Variants in BRSK1 observed in about 807,000 individuals in gnomAD.
BRSK1 encodes the protein serine/threonine-protein kinase BRSK1.
In BRSK1, 17 loss-of-function variants were observed where a neutral mutation model predicts 86.2. The ratio of observed to expected loss-of-function variants is 0.20; its 90% confidence interval spans 0.14 to 0.30. The LOEUF (loss-of-function observed/expected upper bound fraction) is 0.30, where lower values mean the gene tolerates loss of function less well. Ranked by LOEUF, BRSK1 falls within the 10% of genes least tolerant of loss-of-function variation. The pLI is 1.00. For missense variants in BRSK1, 719 were observed against 1,071.9 expected (o/e 0.67, Z 4.60); for synonymous variants, 464 against 440.1 (o/e 1.05, Z -0.68).
chr19:55,308,970 C>T (rs1002549151), intron 18 of BRSK1, among the ~76,000 whole-genome samples: 6 of 152,092 alleles, frequency 3.9e-5, no homozygotes, highest in African/African-American at 1.2e-4. Context: ...GCAGGTTCCC[C>T]GAGAGGCTGG....
Position 55,287,155 on chromosome 19 carries a change from G to A in BRSK1, c.231+54G>A, listed in dbSNP as rs2088330451. ...GGGTGGGGGGGCCTCCGGGGCTGAG[G>A]GCAGGGGCGGGGCCGTGCTGACCTC... On this transcript the variant is annotated intron_variant, in intron 2 of 18. Transcript: ENST00000309383. This position sits in a 1 kb window ranked among gnomAD's most constrained non-coding sequence, Gnocchi z 5.3. 6 of 1,612,102 alleles carry A rather than the reference G, an allele frequency of 3.7e-6. No homozygotes were observed. The Admixed American group carries it at 8.3e-5, about 22-fold the overall frequency.
rs761823157 is a variant in BRSK1 at position 55,306,438 on chromosome 19, A to G, written c.2077A>G (p.Thr693Ala). ...TGGTGGCATCTACTCCGTCACCTTC[A>G]CTCTCATCTCGGGTGAGTCTCTTGG... ...GGGGIYSVTF[T>A]LISGPSRRFK... Residue 693 changes from threonine to alanine, a missense_variant, in exon 17 of 19, where the codon ACT becomes GCT. Around this residue, in one of 6 missense-constraint regions of BRSK1, gnomAD observed 180 missense variants for 259.4 expected, o/e 0.69. Transcript: ENST00000309383. The surrounding 1 kb of genome is among the most constrained non-coding windows in gnomAD (Gnocchi z 4.7). 1.2e-5 allele frequency: 20 copies of G among 1,611,752 alleles called. No homozygotes were observed. Among genetic ancestry groups the G allele is most frequent in the Non-Finnish European group, 1.7e-5 (20 of 1,179,656 alleles).
intron 4 of BRSK1, among the ~76,000 whole-genome samples, chr19:55,291,736 G>T (rs1318341282): frequency 3.3e-5 from 5 of 152,056 alleles, no homozygotes; most frequent in Non-Finnish European, 7.4e-5. Context: ...TGATAAAAAG[G>T]CCACCTACTT....
At chr19:55,298,191 C>CTT (rs377504520) in intron 7 of BRSK1, among the ~76,000 whole-genome samples, 2 of 70,362 alleles carry the variant, frequency 2.8e-5, no homozygotes, top group African/African-American at 1.0e-4. Flanking sequence ...GTAGTTTATT[C>CTT]TTTTTTTTTT....
intron 4 of BRSK1, among the ~76,000 whole-genome samples, chr19:55,291,493 A>G (rs1019392567): frequency 1.3e-5 from 2 of 152,210 alleles, no homozygotes; most frequent in African/African-American, 4.8e-5. Flanking sequence ...GCAGTGAGGC[A>G]ACAGAGTGAG....
In BRSK1 at chr19:55,310,278, C is replaced by G. The variant is rs2088754986; in HGVS notation, c.2179+1550C>G. On this transcript the variant is annotated intron_variant, in intron 18 of 18. Coordinates refer to ENST00000309383, the MANE Select transcript of BRSK1 (RefSeq NM_032430.2). The surrounding 1 kb of genome is among the most constrained non-coding windows in gnomAD (Gnocchi z 5.0). Reference sequence around the variant, plus strand: ...GGAGGCTCTCTGGCAGAGACTGTTTCCTTGTGTGTTCCAGTTCCTAGGCGC... The same window carrying G: ...GGAGGCTCTCTGGCAGAGACTGTTTGCTTGTGTGTTCCAGTTCCTAGGCGC... Among the ~76,000 whole-genome samples the G allele has an allele frequency of 6.6e-6, 1 of 152,146 alleles. No homozygotes were observed. Among genetic ancestry groups the G allele is most frequent in the Admixed American group, 6.6e-5 (1 of 15,266 alleles).
rs756541679 is a variant in BRSK1 at position 55,304,862 on chromosome 19, C to T, written c.1659C>T (p.Leu553=). 1.2e-6 allele frequency: 2 copies of T among 1,609,652 alleles called. No individual in the cohort carries two copies. Among genetic ancestry groups the T allele is most frequent in the Admixed American group, 1.7e-5 (1 of 59,958 alleles). Residue 553 remains leucine, a synonymous_variant, in exon 14 of 19, where the codon CTC becomes CTT. Coordinates refer to ENST00000309383, the MANE Select transcript of BRSK1 (RefSeq NM_032430.2). The surrounding 1 kb of genome is among the most constrained non-coding windows in gnomAD (Gnocchi z 5.2). Reference sequence around the variant, plus strand: ...GGGGAGCCGCCTGGAGGAGTCGTCTCAACTCCATCCGCAACAGCTTCCTGG... The same window carrying T: ...GGGGAGCCGCCTGGAGGAGTCGTCTTAACTCCATCCGCAACAGCTTCCTGG... ...GVGGAAWRSR[L]NSIRNSFLGS...
intron 8 of BRSK1, 61 bp downstream of exon 8, chr19:55,301,719 AG>A: frequency 1.3e-6 from 2 of 1,560,696 alleles, no homozygotes; most frequent in South Asian, 1.2e-5. Context: ...AGAACCCCCT[AG>A]AAAAGTCATG....
chr19:55,290,476 T>C (rs537202579), intron 4 of BRSK1, among the ~76,000 whole-genome samples: 2 of 152,296 alleles, frequency 1.3e-5, no homozygotes, highest in Non-Finnish European at 2.9e-5. Flanking sequence ...AAAAAAAGAA[T>C]TGTTTATTCT....
intron 3 of BRSK1, among the ~76,000 whole-genome samples, chr19:55,288,641 A>G (rs1250212722): frequency 1.3e-5 from 2 of 151,902 alleles, no homozygotes; most frequent in Non-Finnish European, 2.9e-5. Context: ...GCTGGAGTGC[A>G]ATGGCTCGAT....
chr19:55,296,485 C>T (rs1481601688), intron 7 of BRSK1, among the ~76,000 whole-genome samples: 1 of 151,962 alleles, frequency 6.6e-6, no homozygotes, highest in Non-Finnish European at 1.5e-5. Flanking sequence ...ATTGCTTGAG[C>T]CCAGGAGTTC....
chr19:55,299,396 T>C (rs1344597953), intron 7 of BRSK1, among the ~76,000 whole-genome samples: 1 of 143,570 alleles, frequency 7.0e-6, no homozygotes, highest in African/African-American at 2.9e-5. Context: ...TTGTTTTTTG[T>C]TTTTTTTGAG....
Position 55,284,306 on chromosome 19 carries a change from C to A in BRSK1, c.-137C>A. Reference sequence around the variant, plus strand: ...GCCGACTGGGGGGGGCCAGCCCAGCCCCCTGGGGACCCCCGGAGAGGTGGG... The same window carrying A: ...GCCGACTGGGGGGGGCCAGCCCAGCACCCTGGGGACCCCCGGAGAGGTGGG... On this transcript the variant is annotated 5_prime_UTR_variant, in exon 1 of 19. Transcript: ENST00000309383. 1.4e-6 allele frequency: 1 copy of A among 722,382 alleles called. No individual in the cohort carries two copies. Among genetic ancestry groups the A allele is most frequent in the Non-Finnish European group, 1.9e-6 (1 of 524,056 alleles). The allele number at this position is 722,382 out of a possible 1,614,324, so 44.7% of individuals were successfully genotyped here. A position where few individuals can be genotyped will look rare whatever the true frequency, so the allele number is the denominator to read the frequency against.
chr19:55,309,607 CCT>C (rs1198714915), intron 18 of BRSK1, among the ~76,000 whole-genome samples: 1 of 152,134 alleles, frequency 6.6e-6, no homozygotes, highest in African/African-American at 2.4e-5. Context: ...CTCTCTGGGG[CCT>C]CTTTCCTAAG....
rs936594177 is a variant in BRSK1, at chr19:55,306,110, G to T, written c.1891-142G>T. On this transcript the variant is annotated intron_variant, in intron 16 of 18. Coordinates refer to ENST00000309383, the MANE Select transcript of BRSK1 (RefSeq NM_032430.2). The surrounding 1 kb of genome is among the most constrained non-coding windows in gnomAD (Gnocchi z 4.7). ...TAGAGAAAGCTACAAGTCCTTGCAG[G>T]CAGTGGGGCCTCCCAATGCATTTCC... The T allele has an allele frequency of 2.6e-6, 2 of 758,658 alleles. No homozygotes were observed. Among genetic ancestry groups the T allele is most frequent in the Non-Finnish European group, 4.3e-6 (2 of 470,002 alleles). The allele number at this position is 758,658 out of a possible 1,614,324, so 47.0% of individuals were successfully genotyped here.
In BRSK1 at chr19:55,305,380, C is replaced by A; in HGVS notation, c.1766+11C>A. On this transcript the variant is annotated intron_variant, in intron 15 of 18. Transcript: ENST00000309383. ...AGAGTCCTCCCCGGAGTGAGTCTCACAGGGAAGGAAAGAGTGGGGATGCAG... is the reference window on the plus strand; with the variant it reads ...AGAGTCCTCCCCGGAGTGAGTCTCAAAGGGAAGGAAAGAGTGGGGATGCAG... 1.2e-6 allele frequency: 2 copies of A among 1,614,194 alleles called. No individual in the cohort carries two copies. The highest frequency in any genetic ancestry group is 1.7e-6 in the Non-Finnish European group (2 of 1,180,022).
rs763673212 is a variant in BRSK1, at chr19:55,303,833, G to A, written c.1286+7G>A. 4 of 1,560,776 alleles carry A rather than the reference G, an allele frequency of 2.6e-6. No homozygotes were observed. The South Asian group carries it at 4.8e-5, about 19-fold the overall frequency. ...TGGCCCAGCACAGCCAGAGGTGGGA[G>A]CCCCTGTCCCTCCAGGAGGATCCAC... On this transcript the variant is annotated splice_region_variant and intron_variant, in intron 12 of 18. Coordinates refer to ENST00000309383, the MANE Select transcript of BRSK1 (RefSeq NM_032430.2). The surrounding 1 kb of genome is among the most constrained non-coding windows in gnomAD (Gnocchi z 5.1).
intron 18 of BRSK1, 22 bp from the exon 19 acceptor site, chr19:55,311,889 A>G (rs752379849): frequency 9.3e-6 from 15 of 1,609,796 alleles, no homozygotes; most frequent in East Asian, 9.0e-5. Flanking sequence ...GAACCCACGA[A>G]AAACCTCTTC....
At chr19:55,293,429 G>A (rs1418790159) in intron 4 of BRSK1, among the ~76,000 whole-genome samples, 1 of 151,906 alleles carries the variant, frequency 6.6e-6, no homozygotes, top group East Asian at 1.9e-4. Context: ...TTGAACTCAG[G>A]ATGCGGAGGT....
Sources: gnomAD v4.1 joint callset for allele counts (sites outside exome capture counted in the v4.1 genomes callset) on GRCh38, gnomAD v4.1.1 for gene constraint, gnomAD v4.1.1 regional missense constraint, Gnocchi (gnomAD v3.1) non-coding constraint, MANE v1.5 for transcripts, NCBI Gene and HGNC (gene_info 2026-07-23, HGNC 2026-07-21) for gene names.